OAS2: variants seen among roughly 807,000 people sequenced by gnomAD.
OAS2 encodes 2'-5'-oligoadenylate synthetase 2, also known as 2'-5'-oligoadenylate synthase 2.
OAS2 carries 67 observed loss-of-function variants against 71.3 expected under a neutral mutation model. The observed-to-expected ratio is 0.94, with a 90% confidence interval of 0.77 to 1.15. The LOEUF is 1.15. Among genes scored for constraint, OAS2 ranks in the 50% most tolerant of loss-of-function variants. OAS2 has a pLI of 0.00. For missense variants in OAS2, 789 were observed against 822.5 expected (o/e 0.96, Z 0.50); for synonymous variants, 327 against 321.8 (o/e 1.02, Z -0.17).
chr12:112,998,204 A>G, intron 4 of OAS2, 62 bp from the exon 5 acceptor site: 1 of 1,576,384 alleles, frequency 6.3e-7, no homozygotes, highest in Non-Finnish European at 8.6e-7. Context: ...TCTTTCCCCA[A>G]AACAGATTTT....
intron 5 of OAS2, among the ~76,000 whole-genome samples, chr12:113,001,467 CATATATACACA>C: frequency 1.0e-5 from 1 of 98,664 alleles, no homozygotes. Context: ...CACATATATA[CATATATACACA>C]TATATACACA....
Position 113,004,945 on chromosome 12 carries a change from C to T in OAS2, c.1191C>T (p.Thr397=), listed in dbSNP as rs138875997. 16 of 1,613,688 alleles carry T rather than the reference C, an allele frequency of 9.9e-6. No homozygotes were observed. Among genetic ancestry groups the T allele is most frequent in the African/African-American group, 4.0e-5 (3 of 74,880 alleles). The change falls in exon 7 of 10, where the codon ACC becomes ACT. Residue 397 remains threonine (T), a synonymous_variant. Transcript: ENST00000392583. ...AKIQIVRGGS[T]AKGTALKTGS... is the part of the protein sequence containing the mutation. ...CCTTTCTTCCTTAGGGAGGATCAAC[C>T]GCCAAAGGCACAGCTCTGAAGACTG...
At position 113,010,204 on chromosome 12, in the gene OAS2, G is replaced by A; in HGVS notation, c.*949G>A. 1 of 1,380,836 alleles carries A rather than the reference G, an allele frequency of 7.2e-7. No homozygotes were observed. Among genetic ancestry groups the A allele is most frequent in the Non-Finnish European group, 9.3e-7 (1 of 1,070,546 alleles). 85.5% of individuals were successfully genotyped at this position (1,380,836 alleles called of 1,614,324 possible). ...GGGAAGAGGTGGCCAAGCCAACCGT[G>A]GGGTTAGCTCTAATTATTAAGATAT... is the stretch of plus-strand genomic sequence containing the variant. On this transcript the variant is annotated 3_prime_UTR_variant, in exon 10 of 10. Transcript: ENST00000392583.
At chr12:113,005,918 C>CAAAA (rs138299398) in intron 7 of OAS2, among the ~76,000 whole-genome samples, 31 of 49,040 alleles carry the variant, frequency 6.3e-4, no homozygotes, top group Non-Finnish European at 9.3e-4. Context: ...ACAACAACAA[C>CAAAA]AAAAAAAAAA....
intron 3 of OAS2, 132 bp downstream of exon 3, chr12:112,995,606 A>T: frequency 1.2e-6 from 1 of 838,420 alleles, no homozygotes; most frequent in Non-Finnish European, 1.8e-6. Flanking sequence ...GCAACACCCA[A>T]ATCAACATAG....
At chr12:113,007,619 A>G (rs2044345878) in intron 8 of OAS2, 86 bp from the exon 9 acceptor site, 8 of 1,060,226 alleles carry the variant, frequency 7.5e-6, no homozygotes, top group Admixed American at 3.6e-5. Flanking sequence ...CGACACTGTG[A>G]CTCAGTTGCC....
chr12:112,997,414 C>A, intron 3 of OAS2, 106 bp from the exon 4 acceptor site: 2 of 880,684 alleles, frequency 2.3e-6, no homozygotes, highest in Non-Finnish European at 3.5e-6. Context: ...GGCATTCTAG[C>A]AAAGGACAAT....
Position 112,995,351 on chromosome 12 carries a change from T to G in OAS2, c.504T>G (p.Asp168Glu). Residue 168 changes from aspartate (D) to glutamate (E), a missense_variant, in exon 3 of 10, where the codon GAT becomes GAG. Coordinates refer to ENST00000392583, the MANE Select transcript of OAS2 (RefSeq NM_002535.3). Reference sequence around the variant, plus strand: ...ATCGAGAGCTCAAAAGATCCTTGGATAAGACAAATGCCAGTCCTGGTGAGT... The same window carrying G: ...ATCGAGAGCTCAAAAGATCCTTGGAGAAGACAAATGCCAGTCCTGGTGAGT... Reference protein sequence around the residue: ...WIYRELKRSLDKTNASPGEFA... With the variant: ...WIYRELKRSLEKTNASPGEFA... 5 of 1,614,124 alleles carry G rather than the reference T, an allele frequency of 3.1e-6. No homozygotes were observed. Among genetic ancestry groups the G allele is most frequent in the Non-Finnish European group, 4.2e-6 (5 of 1,179,988 alleles).
chr12:112,995,203 T>G, intron 2 of OAS2, 93 bp from the exon 3 acceptor site: 1 of 1,171,798 alleles, frequency 8.5e-7, no homozygotes, highest in Non-Finnish European at 1.2e-6. Flanking sequence ...TCGTGTGCTA[T>G]CAAACTATAA....
chr12:112,996,965 T>C (rs1593201332), intron 3 of OAS2, among the ~76,000 whole-genome samples: 1 of 152,098 alleles, frequency 6.6e-6, no homozygotes, highest in South Asian at 2.1e-4. Flanking sequence ...ATCCTCAGTT[T>C]CCCCTCATCT....
In OAS2 at chr12:112,978,662, G is replaced by C. The variant is rs368128261; in HGVS notation, c.54G>C (p.Trp18Cys). 2 of 1,614,140 alleles carry C rather than the reference G, an allele frequency of 1.2e-6. No individual in the cohort carries two copies. Among genetic ancestry groups the C allele is most frequent in the Admixed American group, 1.7e-5 (1 of 60,016 alleles). Residue 18 changes from tryptophan (W) to cysteine (C), a missense_variant, in exon 1 of 10, where the codon TGG becomes TGC. Physicochemically the swap from Trp to Cys is radical, Grantham distance 215. Transcript: ENST00000392583. The surrounding 1 kb of genome is among the most constrained non-coding windows in gnomAD (Gnocchi z 4.2). The stretch of plus-strand genomic sequence containing the variant: ...CGGTGCCTGCTCAGAAGCTGGGTTG[G>C]TTTATCCAGGAATACCTGAAGCCCT... ...LSSVPAQKLG[W>C]FIQEYLKPYE...
chr12:112,987,554 T>G, intron 2 of OAS2: 2 of 1,393,598 alleles, frequency 1.4e-6, no homozygotes, highest in East Asian at 2.6e-5. Context: ...AGGCAGAGCC[T>G]TTTAAGCCAT....
rs1017972979 is a variant in OAS2 at position 113,003,148 on chromosome 12, G to A, written c.1179+46G>A. 1.9e-6 allele frequency: 3 copies of A among 1,588,660 alleles called. No individual in the cohort carries two copies. The Admixed American group carries it at 5.0e-5, about 27-fold the overall frequency. Reference sequence around the variant, plus strand: ...TGTCTTGTTGGAATGATGTAATATTGGGCATTCCTGGAAGGGAGGTAAGTG... The same window carrying A: ...TGTCTTGTTGGAATGATGTAATATTAGGCATTCCTGGAAGGGAGGTAAGTG... On this transcript the variant is annotated intron_variant, in intron 6 of 9. Transcript: ENST00000392583.
At chr12:113,008,801 A>G (rs1179302916) in intron 9 of OAS2, among the ~76,000 whole-genome samples, 1 of 151,906 alleles carries the variant, frequency 6.6e-6, no homozygotes, top group Non-Finnish European at 1.5e-5. Flanking sequence ...TAATTTTTGT[A>G]TTTTTAGTAG....
At chr12:113,002,899 C>T in intron 5 of OAS2, 33 bp from the exon 6 acceptor site, 1 of 1,607,466 alleles carries the variant, frequency 6.2e-7, no homozygotes, top group East Asian at 2.2e-5. Flanking sequence ...TTACAGGTGC[C>T]ACTCACACTT....
Position 112,995,276 on chromosome 12 carries a change from C to T in OAS2, c.449-20C>T. The T allele has an allele frequency of 1.3e-6, 2 of 1,588,420 alleles. No individual in the cohort carries two copies. The highest frequency in any genetic ancestry group is 1.1e-5 in the South Asian group (1 of 87,104). ...CCAGGTTACATAAATAACAACGTTCCAATTTCTGTTTCACATCAGGCTTAA... is the reference window on the plus strand; with the variant it reads ...CCAGGTTACATAAATAACAACGTTCTAATTTCTGTTTCACATCAGGCTTAA... On this transcript the variant is annotated intron_variant, in intron 2 of 9. Coordinates refer to ENST00000392583, the MANE Select transcript of OAS2 (RefSeq NM_002535.3).
intron 2 of OAS2, chr12:112,988,118 A>G: frequency 1.0e-6 from 1 of 985,380 alleles, no homozygotes; most frequent in Non-Finnish European, 1.2e-6. Context: ...CATACAAAAC[A>G]TCTCCCACTA....
intron 7 of OAS2, among the ~76,000 whole-genome samples, chr12:113,005,688 G>A (rs1565997359): frequency 6.7e-6 from 1 of 150,274 alleles, no homozygotes; most frequent in Non-Finnish European, 1.5e-5. Flanking sequence ...GCAACATAGT[G>A]AGACTTCATC....
chr12:112,990,739 G>C (rs2044183867), intron 2 of OAS2, among the ~76,000 whole-genome samples: 1 of 152,180 alleles, frequency 6.6e-6, no homozygotes, highest in African/African-American at 2.4e-5. Context: ...GCCAGAGTTA[G>C]GCTGGAATTT....
Sources: allele counts gnomAD v4.1 joint callset (sites outside exome capture counted in the v4.1 genomes callset), GRCh38; gene constraint gnomAD v4.1.1; non-coding constraint Gnocchi (gnomAD v3.1); transcripts MANE v1.5; gene names NCBI Gene and HGNC (gene_info 2026-07-23, HGNC 2026-07-21).